FGF12: variants seen among roughly 807,000 people sequenced by gnomAD.
FGF12 encodes the protein fibroblast growth factor 12B.
FGF12 carries 14 observed loss-of-function variants against 23.6 expected under a neutral mutation model. The observed-to-expected ratio is 0.59, with a 90% CI of 0.39 to 0.93. The LOEUF (loss-of-function observed/expected upper bound fraction) is 0.93, where lower values mean the gene tolerates loss of function less well. Among genes scored for constraint, FGF12 ranks in the 40% least tolerant of loss-of-function variants. The probability of loss-of-function intolerance (pLI) is 0.00; values close to 1 mark genes in which losing one functional copy is unlikely to be tolerated. For missense variants in FGF12, 175 were observed against 217.8 expected (o/e 0.80, Z 1.24); for synonymous variants, 62 against 77.3 (o/e 0.80, Z 1.04).
intron 2 of FGF12, among the ~76,000 whole-genome samples, chr3:192,436,956 A>C (rs1043764697): frequency 6.6e-6 from 1 of 152,190 alleles, no homozygotes; most frequent in African/African-American, 2.4e-5. Context: ...TTGAGTGCTC[A>C]CTCTATGCTG....
At chr3:192,702,051 A>G (rs1219794750) in intron 2 of FGF12, among the ~76,000 whole-genome samples, 1 of 152,200 alleles carries the variant, frequency 6.6e-6, no homozygotes, top group Non-Finnish European at 1.5e-5. Context: ...GGTAACCACC[A>G]TTCTACTGTC....
intron 2 of FGF12, among the ~76,000 whole-genome samples, chr3:192,437,735 G>C (rs563678421): frequency 6.6e-6 from 1 of 151,882 alleles, no homozygotes; most frequent in African/African-American, 2.4e-5. Flanking sequence ...AAAAAACAGT[G>C]AGCAAATTAC....
In FGF12 at chr3:192,541,968, C is replaced by T. The variant is rs566369077; in HGVS notation, c.14-181430G>A. ...TTTAGGATCCTTTCTTTATCTTTGA[C>T]GTTGGGGGCCTCAGCCTCCCAAGCA... On this transcript the variant is annotated intron_variant, in intron 2 of 5. Coordinates refer to ENST00000445105, the MANE Select transcript of FGF12 (RefSeq NM_004113.6). Among the ~76,000 whole-genome samples, 112 of 151,430 alleles carry T rather than the reference C, an allele frequency of 7.4e-4. 1 individual carries two copies. The South Asian group carries it at 0.021, about 29-fold the overall frequency.
At chr3:192,454,306 G>A (rs1157439047) in intron 2 of FGF12, among the ~76,000 whole-genome samples, 1 of 152,138 alleles carries the variant, frequency 6.6e-6, no homozygotes, top group Non-Finnish European at 1.5e-5. Flanking sequence ...CCAAAGTGCT[G>A]GGATTTCAGG....
chr3:192,627,929 A>G (rs1026895959), intron 2 of FGF12, among the ~76,000 whole-genome samples: 2 of 151,980 alleles, frequency 1.3e-5, no homozygotes, highest in African/African-American at 2.4e-5. Context: ...GGAGGCCACC[A>G]CAATCAAAAT....
intron 2 of FGF12, among the ~76,000 whole-genome samples, chr3:192,496,303 A>G (rs1285471855): frequency 2.0e-5 from 3 of 149,798 alleles, no homozygotes; most frequent in African/African-American, 7.4e-5. Flanking sequence ...TTTCTAAAAT[A>G]TAAATACAGA....
chr3:192,251,656 A>C (rs991025588), intron 4 of FGF12, among the ~76,000 whole-genome samples: 3 of 152,196 alleles, frequency 2.0e-5, no homozygotes, highest in African/African-American at 4.8e-5. Flanking sequence ...ACTACATTGC[A>C]ATAATAATGA....
intron 2 of FGF12, among the ~76,000 whole-genome samples, chr3:192,406,802 A>T (rs2108774968): frequency 6.6e-6 from 1 of 152,256 alleles, no homozygotes; most frequent in East Asian, 1.9e-4. Flanking sequence ...TCTGAGCCCG[A>T]CTTGTCCAGA....
chr3:192,491,192 T>C (rs118024310), intron 2 of FGF12, among the ~76,000 whole-genome samples: 1 of 152,134 alleles, frequency 6.6e-6, no homozygotes, highest in African/African-American at 2.4e-5. Context: ...ACACTTACCA[T>C]GTAACAGATA....
At chr3:192,402,530 C>T (rs983507018) in intron 2 of FGF12, among the ~76,000 whole-genome samples, 1 of 152,212 alleles carries the variant, frequency 6.6e-6, no homozygotes, top group East Asian at 1.9e-4. Flanking sequence ...AGTTTCCCAG[C>T]TTCCTAACCC....
At chr3:192,649,252 C>G (rs1465319709) in intron 2 of FGF12, among the ~76,000 whole-genome samples, 1 of 152,162 alleles carries the variant, frequency 6.6e-6, no homozygotes, top group African/African-American at 2.4e-5. Context: ...TTGATCGCCA[C>G]AGCCAAAACC....
At chr3:192,486,043 T>C in intron 2 of FGF12, among the ~76,000 whole-genome samples, 1 of 152,108 alleles carries the variant, frequency 6.6e-6, no homozygotes, top group South Asian at 2.1e-4. Context: ...GGTTTTTCAT[T>C]ATAAAAAGTG....
chr3:192,553,717 T>C (rs1013947176), intron 2 of FGF12, among the ~76,000 whole-genome samples: 2 of 152,130 alleles, frequency 1.3e-5, no homozygotes, highest in Non-Finnish European at 2.9e-5. Flanking sequence ...CTCAGAGTTG[T>C]ACAATCCGGA....
Position 192,150,796 on chromosome 3 carries a change from C to T in FGF12, c.428-6669G>A, listed in dbSNP as rs1176166782. 1.1e-4 allele frequency among the ~76,000 whole-genome samples: 15 copies of T among 142,588 alleles called. No individual in the cohort carries two copies. The South Asian group carries it at 1.4e-3, about 13-fold the overall frequency. 93.5% of individuals were successfully genotyped at this position (142,588 alleles called of 152,430 possible). ...TTGGCTTAGGATTGACTTGGCAATG[C>T]GGGCTCTTTTTTGGTTCCATATGAA... On this transcript the variant is annotated intron_variant, in intron 5 of 5. Coordinates refer to ENST00000445105, the MANE Select transcript of FGF12 (RefSeq NM_004113.6).
chr3:192,626,220 T>C (rs1350158083), intron 2 of FGF12, among the ~76,000 whole-genome samples: 1 of 152,204 alleles, frequency 6.6e-6, no homozygotes, highest in Non-Finnish European at 1.5e-5. Flanking sequence ...TCTCAATCTT[T>C]TGAAATAATT....
intron 2 of FGF12, among the ~76,000 whole-genome samples, chr3:192,549,553 T>C (rs556218854): frequency 7.9e-5 from 12 of 152,314 alleles, no homozygotes; most frequent in African/African-American, 2.9e-4. Context: ...TTTATGTGTC[T>C]ACTTGAGTGA....
chr3:192,669,841 G>A (rs1717044887), intron 2 of FGF12, among the ~76,000 whole-genome samples: 1 of 152,072 alleles, frequency 6.6e-6, no homozygotes, highest in Non-Finnish European at 1.5e-5. Flanking sequence ...ATGACTCAGT[G>A]AACCAATATT....
At chr3:192,370,642 T>C (rs1719186965) in intron 2 of FGF12, among the ~76,000 whole-genome samples, 1 of 152,166 alleles carries the variant, frequency 6.6e-6, no homozygotes, top group Admixed American at 6.5e-5. Flanking sequence ...TTTGGAAGGA[T>C]TTTAAGTCTG....
In FGF12 at chr3:192,170,463, A is replaced by G. The variant is rs1043452157; in HGVS notation, c.422T>C (p.Ile141Thr). 3.1e-6 allele frequency: 5 copies of G among 1,613,722 alleles called. No individual in the cohort carries two copies. Among genetic ancestry groups the G allele is most frequent in the Admixed American group, 3.3e-5 (2 of 59,986 alleles). Residue 141 changes from isoleucine (I) to threonine (T), a missense_variant, in exon 5 of 6, where the codon ATT becomes ACT. Transcript: ENST00000445105. ...ACAGTCAGTTGGTTTCATACCTTCA[A>G]TAGGTTTCGGTACAAAATGTGATGA... ...KPSSHFVPKPIEVCMYREPSL... is the reference protein window; with the variant it reads ...KPSSHFVPKPTEVCMYREPSL...
Sources: gnomAD v4.1 joint callset for allele counts (sites outside exome capture counted in the v4.1 genomes callset) on GRCh38, gnomAD v4.1.1 for gene constraint, MANE v1.5 for transcripts, NCBI Gene and HGNC (gene_info 2026-07-23, HGNC 2026-07-21) for gene names.